SPEG: variants seen among roughly 807,000 people sequenced by gnomAD.
The protein encoded by SPEG is striated muscle preferentially expressed protein kinase.
In SPEG, 114 loss-of-function variants were observed where a neutral mutation model predicts 300.4. That is an observed-to-expected ratio of 0.38 (90% CI 0.33 to 0.44). The LOEUF (loss-of-function observed/expected upper bound fraction) is 0.44, where lower values mean the gene tolerates loss of function less well. Among genes scored for constraint, SPEG ranks in the 20% least tolerant of loss-of-function variants. The pLI is 1.00. For missense variants in SPEG, 4,201 were observed against 4,586.2 expected (o/e 0.92, Z 2.43); for synonymous variants, 1,964 against 2,018.9 (o/e 0.97, Z 0.73).
chr2:219,450,852 T>C (rs1416802726), intron 4 of SPEG: 3 of 328,014 alleles, frequency 9.1e-6, no homozygotes, highest in Non-Finnish European at 1.7e-5. Flanking sequence ...TGCAGTCCTG[T>C]CTTTCTCCAG....
At position 219,481,714 on chromosome 2, in the gene SPEG, G is replaced by C; in HGVS notation, c.5565+34G>C. 1 of 1,603,624 alleles carries C rather than the reference G, an allele frequency of 6.2e-7. No homozygotes were observed. The highest frequency in any genetic ancestry group is 8.5e-7 in the Non-Finnish European group (1 of 1,170,474). Reference sequence around the variant, plus strand: ...AGTCTGCAAAGTGGTGGCACAAAAGGTGGAGGGAGAGAGAATGTTACTAAC... The same window carrying C: ...AGTCTGCAAAGTGGTGGCACAAAAGCTGGAGGGAGAGAGAATGTTACTAAC... On this transcript the variant is annotated intron_variant, in intron 28 of 40. Coordinates refer to ENST00000312358, the MANE Select transcript of SPEG (RefSeq NM_005876.5). This position sits in a 1 kb window ranked among gnomAD's most constrained non-coding sequence, Gnocchi z 5.4.
Position 219,461,959 on chromosome 2 carries a change from C to G in SPEG, c.2518C>G (p.Pro840Ala). 1 of 1,613,824 alleles carries G rather than the reference C, an allele frequency of 6.2e-7. No homozygotes were observed. The highest frequency in any genetic ancestry group is 8.5e-7 in the Non-Finnish European group (1 of 1,179,868). ...YLSPPEEFPE[P>A]GETWPRTPTM... ...GAGCCCCCCAGAGGAGTTCCCAGAGCCTGGGGAGACCTGGCCGCGAACCCC... is the reference window on the plus strand; with the variant it reads ...GAGCCCCCCAGAGGAGTTCCCAGAGGCTGGGGAGACCTGGCCGCGAACCCC... Residue 840 changes from proline (P) to alanine (A), a missense_variant, in exon 7 of 41, where the codon CCT becomes GCT. Pro to Ala is a conservative substitution (Grantham distance 27). Coordinates refer to ENST00000312358, the MANE Select transcript of SPEG (RefSeq NM_005876.5).
chr2:219,468,622 G>A lies in SPEG; in HGVS notation c.3187G>A (p.Ala1063Thr), dbSNP rs202124859. 1.2e-4 allele frequency: 193 copies of A among 1,613,890 alleles called. No homozygotes were observed. In the East Asian group the frequency reaches 3.1e-3, roughly 26 times the overall value. ...SARLTVRPSLAPLFTRLLEDV... is the reference protein window; with the variant it reads ...SARLTVRPSLTPLFTRLLEDV... ...CCGGCTGACCGTGCGGCCCTCGTTG[G>A]CACCCCTGTTCACACGGCTGCTGGA... Residue 1063 changes from alanine to threonine, a missense_variant, in exon 11 of 41, where the codon GCA becomes ACA. By Grantham distance (58) the Ala-to-Thr change is moderately conservative. Around this residue, in one of 4 missense-constraint regions of SPEG, gnomAD observed 1,047 missense variants for 1,356.8 expected, o/e 0.77. Transcript: ENST00000312358.
At chr2:219,462,424 T>G in intron 8 of SPEG, 38 bp downstream of exon 8, 13 of 1,502,030 alleles carry the variant, frequency 8.7e-6, no homozygotes, top group African/African-American at 1.4e-5. Context: ...CCAGCGACTC[T>G]ATGCCAGGCC....
In SPEG at chr2:219,483,558, T is replaced by C; in HGVS notation, c.6095T>C (p.Leu2032Pro). 1 of 1,435,656 alleles carries C rather than the reference T, an allele frequency of 7.0e-7. No individual in the cohort carries two copies. Among genetic ancestry groups the C allele is most frequent in the Non-Finnish European group, 9.0e-7 (1 of 1,107,910 alleles). 88.9% of individuals were successfully genotyped at this position (1,435,656 alleles called of 1,614,324 possible). A position where few individuals can be genotyped will look rare whatever the true frequency, so the allele number is the denominator to read the frequency against. The stretch of plus-strand genomic sequence containing the variant: ...GGGCCGCGGGAGCTGGGCCGGGGCC[T>C]GCACAAGGCGGCGTCTGTGGAGCTG... ...RAGPRELGRG[L>P]HKAASVELPQ... The change falls in exon 30 of 41, where the codon CTG (leucine) becomes CCG (proline). Residue 2032 changes from leucine (L) to proline (P), a missense_variant. By Grantham distance (98) the Leu-to-Pro change is moderately conservative. This residue lies in a region of SPEG where 1,578 missense variants were observed against 1,506.0 expected (regional missense o/e 1.05). Coordinates refer to ENST00000312358, the MANE Select transcript of SPEG (RefSeq NM_005876.5).
At position 219,448,777 on chromosome 2, in the gene SPEG, C is replaced by A; in HGVS notation, c.1619C>A (p.Ser540Tyr). The A allele has an allele frequency of 7.0e-7, 1 of 1,438,356 alleles. No homozygotes were observed. Among genetic ancestry groups the A allele is most frequent in the Non-Finnish European group, 9.1e-7 (1 of 1,102,922 alleles). 89.1% of individuals were successfully genotyped at this position (1,438,356 alleles called of 1,614,324 possible). A position where few individuals can be genotyped will look rare whatever the true frequency, so the allele number is the denominator to read the frequency against. Residue 540 changes from serine to tyrosine, a missense_variant, in exon 4 of 41, where the codon TCC becomes TAC. Physicochemically the swap from Ser to Tyr is moderately radical, Grantham distance 144. Transcript: ENST00000312358. ...PGEPPLFSRP[S>Y]TPKTSRAVSP... ...GAGCCCCCGCTCTTCTCTCGGCCCT[C>A]CACCCCCAAGACATCGCGGGCCGTG... is the stretch of plus-strand genomic sequence containing the variant.
rs750918930 is a variant in SPEG at position 219,491,877 on chromosome 2, TCCCCTA to T, written c.9461+13_9461+18del. 3 of 1,588,658 alleles carry T rather than the reference TCCCCTA, an allele frequency of 1.9e-6. No individual in the cohort carries two copies. The highest frequency in any genetic ancestry group is 2.3e-5 in the South Asian group (2 of 88,786). ...TGTGCTCACTTACATTATGTGAGTG[TCCCCTA>T]CCCCACCGCAGCCCTCTCTGCCCAT... is the stretch of plus-strand genomic sequence containing the variant. On this transcript the variant is annotated intron_variant, in intron 39 of 40. Coordinates refer to ENST00000312358, the MANE Select transcript of SPEG (RefSeq NM_005876.5).
chr2:219,440,602 T>A (rs1306221643), intron 1 of SPEG, among the ~76,000 whole-genome samples: 1 of 134,892 alleles, frequency 7.4e-6, no homozygotes, highest in Non-Finnish European at 1.6e-5. Context: ...TATTTATTTA[T>A]TTAAAGCAGA....
chr2:219,462,471 G>A, intron 8 of SPEG, 85 bp downstream of exon 8: 1 of 1,150,150 alleles, frequency 8.7e-7, no homozygotes, highest in Non-Finnish European at 1.2e-6. Flanking sequence ...GGAAGGAAAT[G>A]GAATCTTGGT....
intron 13 of SPEG, among the ~76,000 whole-genome samples, chr2:219,470,357 C>T (rs574244156): frequency 2.0e-5 from 3 of 152,260 alleles, no homozygotes; most frequent in South Asian, 2.1e-4. Flanking sequence ...CCTGCCCACC[C>T]GCCTGCCCAT....
chr2:219,444,526 A>G lies in SPEG; in HGVS notation c.389-127A>G. ...GCAGGGGATGTGGGGAGCAAAAGAG[A>G]GGAGGTGCTGGCAGCCCTGCCAGTG... On this transcript the variant is annotated intron_variant, in intron 1 of 40. Transcript: ENST00000312358. The surrounding 1 kb of genome is among the most constrained non-coding windows in gnomAD (Gnocchi z 7.8). The G allele has an allele frequency of 1.3e-6, 1 of 756,326 alleles. No individual in the cohort carries two copies. Among genetic ancestry groups the G allele is most frequent in the Non-Finnish European group, 2.3e-6 (1 of 440,900 alleles). The allele number at this position is 756,326 out of a possible 1,614,324, so 46.9% of individuals were successfully genotyped here.
rs1689464549 is a variant in SPEG, at chr2:219,448,206, A to G, written c.1048A>G (p.Thr350Ala). The G allele has an allele frequency of 3.7e-6, 6 of 1,612,088 alleles. No homozygotes were observed. The highest frequency in any genetic ancestry group is 5.1e-6 in the Non-Finnish European group (6 of 1,179,514). The part of the protein sequence containing the change: ...QEPVLPEDTT[T>A]EEKRGKKSKS... The stretch of plus-strand genomic sequence containing the variant: ...GCCTGTGCTGCCCGAGGACACCACC[A>G]CCGAAGAGAAGCGAGGGAAGAAGTC... Residue 350 changes from threonine to alanine, a missense_variant, in exon 4 of 41, where the codon ACC (threonine) becomes GCC (alanine). Physicochemically the swap from Thr to Ala is moderately conservative, Grantham distance 58. Transcript: ENST00000312358.
In SPEG at chr2:219,458,740, G is replaced by A. The variant is rs973847116; in HGVS notation, c.2441-3142G>A. ...CCTCCTCCCATAAAGATCAGCAGTG[G>A]TCCCTAAGCTTTCATGTGCCTAAGA... is the stretch of plus-strand genomic sequence containing the variant. On this transcript the variant is annotated intron_variant, in intron 6 of 40. Coordinates refer to ENST00000312358, the MANE Select transcript of SPEG (RefSeq NM_005876.5). This position sits in a 1 kb window ranked among gnomAD's most constrained non-coding sequence, Gnocchi z 4.2. Among the ~76,000 whole-genome samples the A allele has an allele frequency of 6.6e-6, 1 of 152,296 alleles. No homozygotes were observed. The highest frequency in any genetic ancestry group is 2.1e-4 in the South Asian group (1 of 4,826).
chr2:219,463,380 G>T, intron 8 of SPEG, among the ~76,000 whole-genome samples: 1 of 122,006 alleles, frequency 8.2e-6, no homozygotes. Flanking sequence ...TGATTGTCTG[G>T]TCCCCACTGT....
rs77554911 is a variant in SPEG at position 219,490,432 on chromosome 2, C to A, written c.8945C>A (p.Ala2982Glu). Residue 2982 changes from alanine to glutamate, a missense_variant, in exon 37 of 41, where the codon GCG becomes GAG. Physicochemically the swap from Ala to Glu is moderately radical, Grantham distance 107. Transcript: ENST00000312358. ...KARGRFGVVR[A>E]CRENATGRTF... ...AGGGGCCGCTTTGGTGTTGTGCGAG[C>A]GTGCCGGGAGAATGCCACGGGGCGA... 1.9e-6 allele frequency: 3 copies of A among 1,612,334 alleles called. No homozygotes were observed. In the African/African-American group the frequency reaches 4.0e-5, roughly 21 times the overall value.
Position 219,492,743 on chromosome 2 carries a change from C to T in SPEG, c.9761C>T (p.Thr3254Ile). 6.3e-7 allele frequency: 1 copy of T among 1,594,234 alleles called. No individual in the cohort carries two copies. ...EQRRRRAEAATRHKVLLRSYP... is the reference protein window; with the variant it reads ...EQRRRRAEAAIRHKVLLRSYP... Reference sequence around the variant, plus strand: ...CGGCGGCGCCGGGCTGAGGCTGCCACCCGCCACAAGGTGCTGCTGCGCTCC... The same window carrying T: ...CGGCGGCGCCGGGCTGAGGCTGCCATCCGCCACAAGGTGCTGCTGCGCTCC... Residue 3254 changes from threonine (T) to isoleucine (I), a missense_variant, in exon 41 of 41, where the codon ACC becomes ATC. By Grantham distance (89) the Thr-to-Ile change is moderately conservative. Around this residue, in one of 4 missense-constraint regions of SPEG, gnomAD observed 318 missense variants for 429.5 expected, o/e 0.74. Transcript: ENST00000312358.
chr2:219,458,441 C>A lies in SPEG; in HGVS notation c.2441-3441C>A, dbSNP rs1194481176. Among the ~76,000 whole-genome samples, 1 of 151,424 alleles carries A rather than the reference C, an allele frequency of 6.6e-6. No individual in the cohort carries two copies. The highest frequency in any genetic ancestry group is 2.4e-5 in the African/African-American group (1 of 41,114). Reference sequence around the variant, plus strand: ...AAGCGTTTTGCACTCTTAAGAAATGCAGATTATTGGCCCCAGCCCCGACCT... The same window carrying A: ...AAGCGTTTTGCACTCTTAAGAAATGAAGATTATTGGCCCCAGCCCCGACCT... On this transcript the variant is annotated intron_variant, in intron 6 of 40. Coordinates refer to ENST00000312358, the MANE Select transcript of SPEG (RefSeq NM_005876.5). This position sits in a 1 kb window ranked among gnomAD's most constrained non-coding sequence, Gnocchi z 4.2.
rs1359181180 is a variant in SPEG, at chr2:219,448,984, G to T, written c.1826G>T (p.Ser609Ile). ...AGCAGAGCCATCCAGGAGTGCAGGAGCCCTGTGCCGCCCCCCGCCGCCGAT... is the reference window on the plus strand; with the variant it reads ...AGCAGAGCCATCCAGGAGTGCAGGATCCCTGTGCCGCCCCCCGCCGCCGAT... ...TRSRAIQECR[S>I]PVPPPAADPP... Residue 609 changes from serine (S) to isoleucine (I), a missense_variant, in exon 4 of 41, where the codon AGC (serine) becomes ATC (isoleucine). Ser to Ile is a moderately radical substitution (Grantham distance 142). Around this residue, in one of 4 missense-constraint regions of SPEG, gnomAD observed 1,258 missense variants for 1,293.9 expected, o/e 0.97. Transcript: ENST00000312358. 1.3e-6 allele frequency: 2 copies of T among 1,494,154 alleles called. No individual in the cohort carries two copies. Among genetic ancestry groups the T allele is most frequent in the Non-Finnish European group, 1.8e-6 (2 of 1,124,966 alleles). The allele number at this position is 1,494,154 out of a possible 1,614,324, so 92.6% of individuals were successfully genotyped here.
rs1253485814 is a variant in SPEG, at chr2:219,483,521, C to A, written c.6058C>A (p.Leu2020Met). 5 of 1,407,874 alleles carry A rather than the reference C, an allele frequency of 3.6e-6. No homozygotes were observed. The East Asian group carries it at 8.6e-5, about 24-fold the overall frequency. The allele number at this position is 1,407,874 out of a possible 1,614,324, so 87.2% of individuals were successfully genotyped here. Reference protein sequence around the residue: ...LRRGSSAESALPRAGPRELGR... With the variant: ...LRRGSSAESAMPRAGPRELGR... ...CAGGGGCAGCTCGGCTGAGAGCGCC[C>A]TGCCCCGGGCCGGGCCGCGGGAGCT... The change falls in exon 30 of 41, where the codon CTG (leucine) becomes ATG (methionine). Residue 2020 changes from leucine to methionine, a missense_variant. Around this residue, in one of 4 missense-constraint regions of SPEG, gnomAD observed 1,578 missense variants for 1,506.0 expected, o/e 1.05. Coordinates refer to ENST00000312358, the MANE Select transcript of SPEG (RefSeq NM_005876.5).
Sources: allele counts gnomAD v4.1 joint callset (sites outside exome capture counted in the v4.1 genomes callset), GRCh38; gene constraint gnomAD v4.1.1; regional missense constraint gnomAD v4.1.1; non-coding constraint Gnocchi (gnomAD v3.1); transcripts MANE v1.5; gene names NCBI Gene and HGNC (gene_info 2026-07-23, HGNC 2026-07-21).